CCR3: variants seen among roughly 807,000 people sequenced by gnomAD.
CCR3 encodes C-C motif chemokine receptor 3.
For missense variants in CCR3, 419 were observed against 437.5 expected, an observed-to-expected ratio of 0.96 and a Z score of 0.38; for synonymous variants, 203 against 179.2, an observed-to-expected ratio of 1.13 and a Z score of -1.06.
intron 1 of CCR3, among the ~76,000 whole-genome samples, chr3:46,258,355 G>A (rs1378546394): frequency 1.3e-5 from 2 of 152,162 alleles, no homozygotes; most frequent in Non-Finnish European, 2.9e-5. Flanking sequence ...AACCAGAAAT[G>A]CACTAATCCT....
intron 2 of CCR3, among the ~76,000 whole-genome samples, chr3:46,211,913 G>A (rs1699719557): frequency 6.6e-6 from 1 of 152,166 alleles, no homozygotes; most frequent in Non-Finnish European, 1.5e-5. Flanking sequence ...TCAATAAGGT[G>A]CACACCTGAA....
chr3:46,243,045 C>T (rs536732924), intron 1 of CCR3, among the ~76,000 whole-genome samples: 1 of 109,620 alleles, frequency 9.1e-6, no homozygotes, highest in Admixed American at 9.4e-5. Context: ...AGTCCTCCCT[C>T]AGTATCTGTG....
rs755148142 is a variant in CCR3 at position 46,265,887 on chromosome 3, C to A, written c.729C>A (p.Val243=). Residue 243 remains valine, a synonymous_variant, in exon 2 of 2, where the codon GTC becomes GTA. Coordinates refer to ENST00000395940, the MANE Select transcript of CCR3 (RefSeq NM_178329.3). Reference sequence around the variant, plus strand: ...ACAAGGCCATCCGGCTCATTTTTGTCATCATGGCGGTGTTTTTCATTTTCT... The same window carrying A: ...ACAAGGCCATCCGGCTCATTTTTGTAATCATGGCGGTGTTTTTCATTTTCT... ...KKYKAIRLIF[V]IMAVFFIFWT... is the part of the protein sequence containing the mutation. 4.3e-6 allele frequency: 7 copies of A among 1,613,990 alleles called. No individual in the cohort carries two copies. Among genetic ancestry groups the A allele is most frequent in the Non-Finnish European group, 5.9e-6 (7 of 1,180,002 alleles).
intron 2 of CCR3, among the ~76,000 whole-genome samples, chr3:46,224,734 CAAAAA>C (rs901561258): frequency 6.3e-5 from 3 of 47,470 alleles, no homozygotes; most frequent in Non-Finnish European, 8.8e-5. Context: ...AAGACTCTGT[CAAAAA>C]AAAAAAAAAA....
intron 1 of CCR3, among the ~76,000 whole-genome samples, chr3:46,258,069 G>A (rs1700461382): frequency 6.6e-6 from 1 of 152,192 alleles, no homozygotes; most frequent in African/African-American, 2.4e-5. Flanking sequence ...TGTCAACCCT[G>A]AAAGCAGATC....
chr3:46,223,724 A>G (rs554885487), intron 2 of CCR3, among the ~76,000 whole-genome samples: 1 of 152,288 alleles, frequency 6.6e-6, no homozygotes, highest in Admixed American at 6.5e-5. Flanking sequence ...TTTCCCTTTC[A>G]GCCTGCCTCA....
chr3:46,215,600 G>A (rs1474805855), intron 2 of CCR3, among the ~76,000 whole-genome samples: 3 of 152,302 alleles, frequency 2.0e-5, no homozygotes, highest in East Asian at 3.9e-4. Flanking sequence ...GTTTGCACAC[G>A]ACAGTGTGAG....
At chr3:46,211,344 G>A (rs550831112) in intron 2 of CCR3, among the ~76,000 whole-genome samples, 3 of 150,892 alleles carry the variant, frequency 2.0e-5, no homozygotes, top group Admixed American at 2.0e-4. Flanking sequence ...AACCACAGGT[G>A]CATGGCACCA....
At chr3:46,236,100 G>A (rs186962798) in intron 2 of CCR3, among the ~76,000 whole-genome samples, 1 of 152,288 alleles carries the variant, frequency 6.6e-6, no homozygotes, top group Admixed American at 6.5e-5. Flanking sequence ...TGACTGACTT[G>A]GGGAGTGGCT....
intron 1 of CCR3, among the ~76,000 whole-genome samples, chr3:46,257,893 AG>A (rs1251011016): frequency 6.6e-5 from 10 of 152,208 alleles, no homozygotes; most frequent in Non-Finnish European, 1.0e-4. Context: ...CTAGGCTGAA[AG>A]CCACTGAGTT....
rs7626037 is a variant in CCR3, at chr3:46,218,172, C to A, written c.-68+7265C>A. The stretch of plus-strand genomic sequence containing the variant: ...TGCCACAGAAATGCAAAAGATTATT[C>A]AAGGCTACTATAAGCAAACTTATGT... On this transcript the variant is annotated intron_variant, in intron 2 of 3. Transcript: ENST00000357422. Among the ~76,000 whole-genome samples, 959 of 151,970 alleles carry A rather than the reference C, an allele frequency of 6.3e-3. 7 individuals are homozygous for A. The highest frequency in any genetic ancestry group is 0.022 in the African/African-American group (907 of 41,504).
At chr3:46,220,254 T>C (rs1036904704) in intron 2 of CCR3, among the ~76,000 whole-genome samples, 11 of 152,146 alleles carry the variant, frequency 7.2e-5, no homozygotes, top group Non-Finnish European at 1.5e-4. Flanking sequence ...ACATCACTAA[T>C]TATCAGGGAA....
intron 2 of CCR3, among the ~76,000 whole-genome samples, chr3:46,226,059 C>G (rs1245843949): frequency 6.6e-6 from 1 of 152,214 alleles, no homozygotes; most frequent in African/African-American, 2.4e-5. Context: ...CTGCCAATAT[C>G]ACTCTATCTG....
intron 2 of CCR3, among the ~76,000 whole-genome samples, chr3:46,236,690 CAG>C (rs1305962778): frequency 6.6e-6 from 1 of 152,234 alleles, no homozygotes; most frequent in African/African-American, 2.4e-5. Context: ...CCAGGATGTC[CAG>C]AGTTTCCCAG....
intron 2 of CCR3, among the ~76,000 whole-genome samples, chr3:46,229,885 G>GGA (rs1415324349): frequency 1.3e-5 from 2 of 152,166 alleles, no homozygotes; most frequent in Non-Finnish European, 2.9e-5. Flanking sequence ...CAGAGAAGCA[G>GGA]GACAGAGAGG....
At chr3:46,251,721 A>T (rs1421415517) in intron 1 of CCR3, among the ~76,000 whole-genome samples, 1 of 152,042 alleles carries the variant, frequency 6.6e-6, no homozygotes, top group African/African-American at 2.4e-5. Context: ...GCAAAGGGAG[A>T]TAAGGGTGGG....
chr3:46,228,135 T>C (rs35002232), intron 2 of CCR3, among the ~76,000 whole-genome samples: 1 of 150,638 alleles, frequency 6.6e-6, no homozygotes, highest in African/African-American at 2.4e-5. Context: ...CCCAAACTCT[T>C]TCCCACCTAC....
intron 1 of CCR3, among the ~76,000 whole-genome samples, chr3:46,253,856 C>T (rs917050013): frequency 2.6e-5 from 4 of 152,196 alleles, no homozygotes; most frequent in East Asian, 1.9e-4. Context: ...AATACCATCT[C>T]GCTATTAGAA....
chr3:46,246,048 A>C (rs937577505), intron 1 of CCR3, among the ~76,000 whole-genome samples: 1 of 152,196 alleles, frequency 6.6e-6, no homozygotes, highest in African/African-American at 2.4e-5. Flanking sequence ...GACTGTTATC[A>C]TCCTACTTCC....
Sources: gnomAD v4.1 joint callset for allele counts (sites outside exome capture counted in the v4.1 genomes callset) on GRCh38, gnomAD v4.1.1 for gene constraint, MANE v1.5 for transcripts, NCBI Gene and HGNC (gene_info 2026-07-23, HGNC 2026-07-21) for gene names.